Variants in SMIM23 observed in about 807,000 individuals in gnomAD.
SMIM23 encodes CTB-78H18.1.
A neutral mutation model predicts 12.8 loss-of-function variants in SMIM23; 10 were observed. The observed-to-expected ratio is 0.78, with a 90% CI of 0.48 to 1.32. The LOEUF (loss-of-function observed/expected upper bound fraction) is 1.32. Ranked by LOEUF, SMIM23 falls within the 40% of genes most tolerant of loss-of-function variation. The probability of loss-of-function intolerance (pLI) is 0.00; values close to 1 mark genes in which losing one functional copy is unlikely to be tolerated. For missense variants in SMIM23, 184 were observed against 198.2 expected (o/e 0.93, Z 0.43); for synonymous variants, 78 against 80.1 (o/e 0.97, Z 0.14).
chr5:171,784,730 G>C (rs1213374352), upstream of SMIM23, among the ~76,000 whole-genome samples: 1 of 152,176 alleles, frequency 6.6e-6, no homozygotes, highest in Admixed American at 6.5e-5. Context: ...ACATGTACAA[G>C]CATGTTCATA....
chr5:171,782,354 A>G (rs1217282131), upstream of SMIM23: 1 of 152,280 alleles, frequency 6.6e-6, no homozygotes, highest in Non-Finnish European at 1.5e-5. Context: ...CTGAAACTAC[A>G]TTAACTCCTT....
intron 1 of SMIM23, among the ~76,000 whole-genome samples, chr5:171,786,732 C>T (rs989268104): frequency 6.6e-6 from 1 of 152,162 alleles, no homozygotes; most frequent in Non-Finnish European, 1.5e-5. Context: ...GACCTTGTAG[C>T]GTATAACAGG....
upstream of SMIM23, among the ~76,000 whole-genome samples, chr5:171,780,680 G>A (rs1184632755): frequency 2.0e-5 from 3 of 152,096 alleles, no homozygotes; most frequent in African/African-American, 7.2e-5. Flanking sequence ...ACCAGATAAA[G>A]CCCAAGAGCC....
At chr5:171,777,056 T>C in the SMIM23 span, among the ~76,000 whole-genome samples, 2 of 135,886 alleles carry the variant, frequency 1.5e-5, no homozygotes, top group African/African-American at 5.8e-5. Context: ...TTCCCCCTCC[T>C]TTTTTTTTTT....
At chr5:171,782,674 G>C (rs1202646656), upstream of SMIM23, 2 of 152,212 alleles carry the variant, frequency 1.3e-5, no homozygotes, top group Non-Finnish European at 2.9e-5. Flanking sequence ...CAAGTACTGT[G>C]AATACAAAAA....
chr5:171,776,622 T>G, the SMIM23 span, among the ~76,000 whole-genome samples: 14 of 152,168 alleles, frequency 9.2e-5, no homozygotes, highest in Admixed American at 9.2e-4. Flanking sequence ...CACATCATCA[T>G]CATCTCTATG....
At position 171,791,122 on chromosome 5, in the gene SMIM23, T is replaced by TAA; in HGVS notation, c.*35_*36insAA. 1 of 1,447,976 alleles carries TAA rather than the reference T, an allele frequency of 6.9e-7. No homozygotes were observed. The highest frequency in any genetic ancestry group is 1.4e-5 in the South Asian group (1 of 69,068). 89.7% of individuals were successfully genotyped at this position (1,447,976 alleles called of 1,614,324 possible). On this transcript the variant is annotated 3_prime_UTR_variant, in exon 4 of 4. Coordinates refer to ENST00000523047, the MANE Select transcript of SMIM23 (RefSeq NM_001289970.2). ...GTTCCAGTCAGGCAAGAAAATAAAG[T>TAA]AGTTGGGAAATGAAGTCCGCTGTTC...
At chr5:171,777,978 A>G (rs1263722445), upstream of SMIM23, among the ~76,000 whole-genome samples, 1 of 152,178 alleles carries the variant, frequency 6.6e-6, no homozygotes, top group African/African-American at 2.4e-5. Context: ...CCCAAGAGAT[A>G]CTCACATCCT....
chr5:171,789,086 C>T (rs188654065), intron 1 of SMIM23, among the ~76,000 whole-genome samples: 34 of 152,376 alleles, frequency 2.2e-4, no homozygotes, highest in African/African-American at 8.2e-4. Flanking sequence ...GTGATCACCA[C>T]GGCCTCCCAA....
At chr5:171,773,783 A>G in the SMIM23 span, 2 of 456,164 alleles carry the variant, frequency 4.4e-6, no homozygotes, top group African/African-American at 4.0e-5. Flanking sequence ...TTGTGGCCAG[A>G]TCGCTCATTC....
the SMIM23 span, chr5:171,774,742 T>G: frequency 1.6e-5 from 6 of 386,372 alleles, no homozygotes; most frequent in Non-Finnish European, 2.6e-5. Flanking sequence ...GACATGCAGC[T>G]ATTGTGTCAA....
Position 171,790,463 on chromosome 5 carries a change from A to T in SMIM23, c.158-19A>T. 1 of 1,536,376 alleles carries T rather than the reference A, an allele frequency of 6.5e-7. No homozygotes were observed. Among genetic ancestry groups the T allele is most frequent in the Non-Finnish European group, 8.7e-7 (1 of 1,146,776 alleles). ...AGTGCTCATTTGCTCTTCAGAGGTG[A>T]TGTTTGTGCCTGTTTCAGGAAGCAG... On this transcript the variant is annotated intron_variant, in intron 2 of 3. Transcript: ENST00000523047.
the SMIM23 span, among the ~76,000 whole-genome samples, chr5:171,775,016 TCTCAG>T: frequency 6.6e-6 from 1 of 152,222 alleles, no homozygotes; most frequent in Admixed American, 6.5e-5. Flanking sequence ...GAGGCAGGAT[TCTCAG>T]CCCAGAAACA....
upstream of SMIM23, among the ~76,000 whole-genome samples, chr5:171,781,952 T>C (rs1433150976): frequency 6.6e-6 from 1 of 152,164 alleles, no homozygotes; most frequent in Non-Finnish European, 1.5e-5. Flanking sequence ...AATGGCCCAA[T>C]CAGCACTCTG....
the SMIM23 span, among the ~76,000 whole-genome samples, chr5:171,774,172 C>A: frequency 6.6e-6 from 1 of 152,218 alleles, no homozygotes; most frequent in Admixed American, 6.5e-5. Flanking sequence ...TTAGCTGTTA[C>A]TGTCCTAACA....
chr5:171,787,003 C>T (rs1468356653), intron 1 of SMIM23, among the ~76,000 whole-genome samples: 25 of 112,054 alleles, frequency 2.2e-4, no homozygotes, highest in Non-Finnish European at 1.1e-4. Flanking sequence ...CCCATTGTTT[C>T]CTTTTTTTTT....
Position 171,791,128 on chromosome 5 carries a change from G to T in SMIM23, c.*40G>T. The stretch of plus-strand genomic sequence containing the variant: ...GTCAGGCAAGAAAATAAAGTAGTTG[G>T]GAAATGAAGTCCGCTGTTCACATTC... On this transcript the variant is annotated 3_prime_UTR_variant, in exon 4 of 4. Coordinates refer to ENST00000523047, the MANE Select transcript of SMIM23 (RefSeq NM_001289970.2). 1 of 1,444,070 alleles carries T rather than the reference G, an allele frequency of 6.9e-7. No individual in the cohort carries two copies. The highest frequency in any genetic ancestry group is 1.5e-5 in the South Asian group (1 of 68,662). 89.5% of individuals were successfully genotyped at this position (1,444,070 alleles called of 1,614,324 possible). A position where few individuals can be genotyped will look rare whatever the true frequency, so the allele number is the denominator to read the frequency against.
intron 1 of SMIM23, among the ~76,000 whole-genome samples, chr5:171,786,446 G>A (rs1755818999): frequency 1.3e-5 from 2 of 152,032 alleles, no homozygotes; most frequent in African/African-American, 4.8e-5. Flanking sequence ...TATCAACCTC[G>A]TTCACAGAGG....
the SMIM23 span, among the ~76,000 whole-genome samples, chr5:171,775,503 G>C: frequency 6.6e-6 from 1 of 152,304 alleles, no homozygotes; most frequent in Admixed American, 6.5e-5. Context: ...ACAGGAAGAG[G>C]AGGCAGTGGT....
Sources: allele counts gnomAD v4.1 joint callset (sites outside exome capture counted in the v4.1 genomes callset), GRCh38; gene constraint gnomAD v4.1.1; transcripts MANE v1.5; gene names NCBI Gene and HGNC (gene_info 2026-07-23, HGNC 2026-07-21).